ST3GAL1: variants seen among roughly 807,000 people sequenced by gnomAD.
ST3GAL1 encodes ST3 beta-galactoside alpha-2,3-sialyltransferase 1.
Under a neutral mutation model 34.1 loss-of-function variants are expected in ST3GAL1, and 16 were observed. That is an observed-to-expected ratio of 0.47 (90% confidence interval 0.32 to 0.71). ST3GAL1 has a LOEUF of 0.71. Among genes scored for constraint, ST3GAL1 ranks in the 30% least tolerant of loss-of-function variants. The pLI is 0.04. For synonymous variants in ST3GAL1, 191 were observed against 184.7 expected (o/e 1.03, Z -0.28); for missense variants, 353 against 447.4 (o/e 0.79, Z 1.90).
At chr8:133,526,438 G>T (rs1244519932) in intron 2 of ST3GAL1, among the ~76,000 whole-genome samples, 1 of 152,090 alleles carries the variant, frequency 6.6e-6, no homozygotes, top group Non-Finnish European at 1.5e-5. Context: ...CTCATGAAGG[G>T]TTTTGTCTAA....
Position 133,556,224 on chromosome 8 carries a change from A to G in ST3GAL1, c.-581-10298T>C, listed in dbSNP as rs1479730510. 6.6e-6 allele frequency among the ~76,000 whole-genome samples: 1 copy of G among 151,956 alleles called. No individual in the cohort carries two copies. The highest frequency in any genetic ancestry group is 1.5e-5 in the Non-Finnish European group (1 of 67,972). On this transcript the variant is annotated intron_variant, in intron 1 of 9. Coordinates refer to ENST00000522652, the MANE Select transcript of ST3GAL1 (RefSeq NM_173344.3). This position sits in a 1 kb window ranked among gnomAD's most constrained non-coding sequence, Gnocchi z 8.9. ...TTTTTCTTTTTGAATCTCCACTCTC[A>G]CCCAGGAAGATGAGTTGGTGTCACC...
At chr8:133,507,674 A>G (rs1817386878) in intron 2 of ST3GAL1, among the ~76,000 whole-genome samples, 1 of 152,252 alleles carries the variant, frequency 6.6e-6, no homozygotes, top group Non-Finnish European at 1.5e-5. Flanking sequence ...CCAAAGGACG[A>G]GCAGGAAACC....
chr8:133,502,869 G>A (rs551620645), intron 2 of ST3GAL1, among the ~76,000 whole-genome samples: 1 of 152,274 alleles, frequency 6.6e-6, no homozygotes, highest in South Asian at 2.1e-4. Flanking sequence ...CTCTCACTGT[G>A]GGAGGACAGA....
At chr8:133,524,593 G>A (rs779033221) in intron 2 of ST3GAL1, among the ~76,000 whole-genome samples, 12 of 152,250 alleles carry the variant, frequency 7.9e-5, no homozygotes, top group Admixed American at 2.6e-4. Context: ...GGCAAGCCAG[G>A]CGTGAAGCAG....
chr8:133,540,195 TC>T (rs375403911), intron 2 of ST3GAL1, among the ~76,000 whole-genome samples: 370 of 152,208 alleles, frequency 2.4e-3, no homozygotes, highest in African/African-American at 8.5e-3. Flanking sequence ...TCCAGAGTGC[TC>T]CCAAGTCTCC....
In ST3GAL1 at chr8:133,569,122, G is replaced by A. The variant is rs536797929; in HGVS notation, c.-582+2571C>T. ...CCTGTTTTTCTCTCTCACCCTGGGTGGGGTGCTGTGGCCTCCCAGCCAGGG... is the reference window on the plus strand; with the variant it reads ...CCTGTTTTTCTCTCTCACCCTGGGTAGGGTGCTGTGGCCTCCCAGCCAGGG... On this transcript the variant is annotated intron_variant, in intron 1 of 9. Coordinates refer to ENST00000522652, the MANE Select transcript of ST3GAL1 (RefSeq NM_173344.3). Among the ~76,000 whole-genome samples, 20 of 152,352 alleles carry A rather than the reference G, an allele frequency of 1.3e-4. No homozygotes were observed. The South Asian group carries it at 4.1e-3, about 32-fold the overall frequency.
In ST3GAL1 at chr8:133,507,636, G is replaced by A. The variant is rs114702826; in HGVS notation, c.-428-8447C>T. ...TGTAGGGACATGAAGAAAAGAAGACGTATTGTTTCTTTCTTCTCCAGGCCA... is the reference window on the plus strand; with the variant it reads ...TGTAGGGACATGAAGAAAAGAAGACATATTGTTTCTTTCTTCTCCAGGCCA... On this transcript the variant is annotated intron_variant, in intron 2 of 9. Transcript: ENST00000522652. Among the ~76,000 whole-genome samples the A allele has an allele frequency of 7.2e-3, 1,094 of 152,310 alleles. 8 individuals carry two copies. Among genetic ancestry groups the A allele is most frequent in the African/African-American group, 0.025 (1,030 of 41,568 alleles).
At chr8:133,502,544 C>G (rs530681804) in intron 2 of ST3GAL1, among the ~76,000 whole-genome samples, 11 of 152,246 alleles carry the variant, frequency 7.2e-5, no homozygotes, top group African/African-American at 2.6e-4. Context: ...TCATCAGAAA[C>G]CAACCCTGAT....
chr8:133,487,890 C>T (rs1056768419), intron 3 of ST3GAL1, among the ~76,000 whole-genome samples: 1 of 151,600 alleles, frequency 6.6e-6, no homozygotes, highest in Non-Finnish European at 1.5e-5. Context: ...ATTGCTTGAA[C>T]CCGGGAGGCA....
intron 1 of ST3GAL1, among the ~76,000 whole-genome samples, chr8:133,550,772 C>T (rs986951082): frequency 2.0e-5 from 3 of 152,194 alleles, no homozygotes; most frequent in Non-Finnish European, 4.4e-5. Context: ...CTGTTCTGAA[C>T]CCATAAATCA....
intron 2 of ST3GAL1, among the ~76,000 whole-genome samples, chr8:133,529,658 G>T (rs900246576): frequency 8.5e-5 from 13 of 152,178 alleles, no homozygotes; most frequent in Non-Finnish European, 1.8e-4. Flanking sequence ...TACCTTGGAG[G>T]CATGTCATGT....
Position 133,459,866 on chromosome 8 carries a change from C to G in ST3GAL1, c.921G>C (p.Ala307=). ...GCACCCCCGTCTTGCGAAAAGCCCC[C>G]GCGGATGGGTTGTTCTCCCAGTAGT... is the stretch of plus-strand genomic sequence containing the variant. ...WHHYWENNPS[A]GAFRKTGVHD... The change falls in exon 10 of 10, where the codon GCG becomes GCC. Residue 307 remains alanine (A), a synonymous_variant. Transcript: ENST00000522652. The surrounding 1 kb of genome is among the most constrained non-coding windows in gnomAD (Gnocchi z 4.7). 6.2e-7 allele frequency: 1 copy of G among 1,614,162 alleles called. No homozygotes were observed. The highest frequency in any genetic ancestry group is 8.5e-7 in the Non-Finnish European group (1 of 1,180,032).
chr8:133,510,716 C>G (rs527570542), intron 2 of ST3GAL1, among the ~76,000 whole-genome samples: 112 of 152,258 alleles, frequency 7.4e-4, no homozygotes, highest in African/African-American at 2.5e-3. Flanking sequence ...TGCACCAGCC[C>G]AATTTCAAGT....
At chr8:133,547,410 A>G (rs1189762422) in intron 1 of ST3GAL1, among the ~76,000 whole-genome samples, 1 of 152,112 alleles carries the variant, frequency 6.6e-6, no homozygotes, top group Non-Finnish European at 1.5e-5. Flanking sequence ...CTGGAACTAC[A>G]GGTTCGTGCT....
At chr8:133,551,584 AAGAAAGAAAG>A (rs1211562858) in intron 1 of ST3GAL1, among the ~76,000 whole-genome samples, 2 of 149,470 alleles carry the variant, frequency 1.3e-5, no homozygotes, top group African/African-American at 2.5e-5. Context: ...GAAAGAAAGA[AAGAAAGAAAG>A]AAAGAAAGAA....
rs1230555227 is a variant in ST3GAL1 at position 133,570,043 on chromosome 8, A to C, written c.-582+1650T>G. The C allele has an allele frequency of 6.6e-6, 1 of 152,286 alleles. No homozygotes were observed. The highest frequency in any genetic ancestry group is 2.4e-5 in the African/African-American group (1 of 41,464). The allele number at this position is 152,286 out of a possible 1,614,324, so 9.4% of individuals were successfully genotyped here. On this transcript the variant is annotated intron_variant, in intron 1 of 9. Coordinates refer to ENST00000522652, the MANE Select transcript of ST3GAL1 (RefSeq NM_173344.3). This position sits in a 1 kb window ranked among gnomAD's most constrained non-coding sequence, Gnocchi z 5.6. ...CCACCTTGGGGCCTTGTCAATGAAC[A>C]CTGCGTTAGCACCTACGACGTGCCA...
chr8:133,525,885 C>T (rs1215029881), intron 2 of ST3GAL1, among the ~76,000 whole-genome samples: 4 of 152,192 alleles, frequency 2.6e-5, no homozygotes, highest in Non-Finnish European at 5.9e-5. Context: ...GGGGGGCTTC[C>T]TGGGTCCCCA....
intron 2 of ST3GAL1, among the ~76,000 whole-genome samples, chr8:133,509,440 T>C (rs778694953): frequency 2.6e-5 from 4 of 152,232 alleles, no homozygotes; most frequent in Non-Finnish European, 4.4e-5. Context: ...CTCTCTAAGG[T>C]TCATCTGTAA....
intron 5 of ST3GAL1, among the ~76,000 whole-genome samples, chr8:133,474,417 A>T (rs1816079255): frequency 1.3e-5 from 2 of 152,220 alleles, no homozygotes; most frequent in Non-Finnish European, 2.9e-5. Context: ...ATAAGACATG[A>T]ACACATATAT....
Sources: allele counts gnomAD v4.1 joint callset (sites outside exome capture counted in the v4.1 genomes callset), GRCh38; gene constraint gnomAD v4.1.1; non-coding constraint Gnocchi (gnomAD v3.1); transcripts MANE v1.5; gene names NCBI Gene and HGNC (gene_info 2026-07-23, HGNC 2026-07-21).